Variants in ZNF804A observed in about 807,000 individuals in gnomAD.
The protein encoded by ZNF804A is zinc finger protein 804A.
Under a neutral mutation model 16.5 loss-of-function variants are expected in ZNF804A, and 2 were observed. The ratio of observed to expected loss-of-function variants is 0.12; its 90% CI spans 0.05 to 0.38. The LOEUF is 0.38. Ranked by LOEUF, ZNF804A falls within the 10% of genes least tolerant of loss-of-function variation. The pLI is 0.99. For missense variants in ZNF804A, 1,473 were observed against 1,390.7 expected (o/e 1.06, Z -0.94); for synonymous variants, 534 against 489.6 (o/e 1.09, Z -1.20).
At chr2:184,740,137 G>C (rs1299422054) in intron 1 of ZNF804A, among the ~76,000 whole-genome samples, 5 of 152,124 alleles carry the variant, frequency 3.3e-5, no homozygotes, top group Non-Finnish European at 7.4e-5. Flanking sequence ...GTCTCATACT[G>C]TGCCACATTA....
At chr2:184,862,749 C>G (rs1267063019) in intron 1 of ZNF804A, among the ~76,000 whole-genome samples, 6 of 151,708 alleles carry the variant, frequency 4.0e-5, no homozygotes, top group African/African-American at 1.5e-4. Flanking sequence ...TGGGGAAATA[C>G]AGAATAAAAG....
intron 1 of ZNF804A, among the ~76,000 whole-genome samples, chr2:184,847,549 C>T (rs534549736): frequency 6.6e-6 from 1 of 152,164 alleles, no homozygotes; most frequent in South Asian, 2.1e-4. Flanking sequence ...AAGATTTCAA[C>T]AAGATAAAGA....
At chr2:184,809,081 G>A (rs1220460310) in intron 1 of ZNF804A, among the ~76,000 whole-genome samples, 1 of 151,640 alleles carries the variant, frequency 6.6e-6, no homozygotes, top group Non-Finnish European at 1.5e-5. Flanking sequence ...GTTAATTATT[G>A]AAAGAATATC....
intron 1 of ZNF804A, among the ~76,000 whole-genome samples, chr2:184,629,652 T>C (rs1308947624): frequency 6.6e-6 from 1 of 152,224 alleles, no homozygotes; most frequent in Admixed American, 6.5e-5. Context: ...TCATTATTGC[T>C]ATATTCTAAA....
At chr2:184,764,229 T>C (rs1441821210) in intron 1 of ZNF804A, among the ~76,000 whole-genome samples, 1 of 152,066 alleles carries the variant, frequency 6.6e-6, no homozygotes, top group Admixed American at 6.6e-5. Flanking sequence ...GTCTACACAC[T>C]AAATGCATCC....
chr2:184,623,896 C>T (rs935974295), intron 1 of ZNF804A, among the ~76,000 whole-genome samples: 3 of 152,086 alleles, frequency 2.0e-5, no homozygotes, highest in African/African-American at 4.8e-5. Flanking sequence ...TCCACCAGGC[C>T]TCAAAACTTA....
intron 1 of ZNF804A, among the ~76,000 whole-genome samples, chr2:184,665,146 A>G (rs1692237161): frequency 6.6e-6 from 1 of 152,192 alleles, no homozygotes; most frequent in Non-Finnish European, 1.5e-5. Flanking sequence ...CATTTAAAAT[A>G]CTGCAGGCAA....
intron 1 of ZNF804A, among the ~76,000 whole-genome samples, chr2:184,633,365 TA>T (rs1691643287): frequency 2.6e-5 from 4 of 152,218 alleles, no homozygotes; most frequent in East Asian, 1.9e-4. Context: ...GGGATTTTTT[TA>T]AATAAAAAGT....
intron 1 of ZNF804A, among the ~76,000 whole-genome samples, chr2:184,805,273 A>G (rs1483050511): frequency 1.3e-5 from 2 of 152,186 alleles, no homozygotes; most frequent in Non-Finnish European, 2.9e-5. Context: ...AAATATCTGT[A>G]TCTCTGTGTT....
chr2:184,825,895 A>G (rs916530867), intron 1 of ZNF804A, among the ~76,000 whole-genome samples: 21 of 151,840 alleles, frequency 1.4e-4, no homozygotes, highest in Non-Finnish European at 2.8e-4. Context: ...TTTCTGAGAC[A>G]GAGTCTCACT....
At position 184,727,976 on chromosome 2, in the gene ZNF804A, A is replaced by T. The variant is rs188271388; in HGVS notation, c.111+128906A>T. On this transcript the variant is annotated intron_variant, in intron 1 of 3. Coordinates refer to ENST00000302277, the MANE Select transcript of ZNF804A (RefSeq NM_194250.2). ...CGGTCTGTGAATTGAGAATATATTA[A>T]AAATAGCATTGGGTGGTTATTAACT... is the stretch of plus-strand genomic sequence containing the variant. Among the ~76,000 whole-genome samples, 115 of 151,886 alleles carry T rather than the reference A, an allele frequency of 7.6e-4. 2 individuals are homozygous for T. The East Asian group carries it at 0.015, about 20-fold the overall frequency.
chr2:184,865,728 C>G lies in ZNF804A; in HGVS notation c.112-641C>G, dbSNP rs1574247713. ...TTACTGTGAGTATGATGAAAACAAT[C>G]TGCTTGTGCAGTTTAATCCTTTTCA... On this transcript the variant is annotated intron_variant, in intron 1 of 3. Transcript: ENST00000302277. Among the ~76,000 whole-genome samples, 4 of 152,170 alleles carry G rather than the reference C, an allele frequency of 2.6e-5. No homozygotes were observed. The South Asian group carries it at 8.3e-4, about 32-fold the overall frequency.
chr2:184,657,382 T>A (rs1187182153), intron 1 of ZNF804A, among the ~76,000 whole-genome samples: 6 of 152,212 alleles, frequency 3.9e-5, no homozygotes, highest in Admixed American at 3.9e-4. Flanking sequence ...CCACAGCACC[T>A]GATGTTGCCT....
intron 1 of ZNF804A, among the ~76,000 whole-genome samples, chr2:184,732,691 G>A (rs1693539355): frequency 1.3e-5 from 2 of 152,062 alleles, no homozygotes; most frequent in Non-Finnish European, 1.5e-5. Flanking sequence ...ATTTAGTTAT[G>A]TAATTTCTTT....
At chr2:184,905,959 A>G (rs988041666) in intron 2 of ZNF804A, among the ~76,000 whole-genome samples, 1 of 152,150 alleles carries the variant, frequency 6.6e-6, no homozygotes, top group Non-Finnish European at 1.5e-5. Flanking sequence ...TTTCTTGTCT[A>G]TCCAATTTCA....
At chr2:184,619,191 A>C (rs1448927771) in intron 1 of ZNF804A, among the ~76,000 whole-genome samples, 2 of 152,076 alleles carry the variant, frequency 1.3e-5, no homozygotes, top group Admixed American at 1.3e-4. Context: ...TTGTTCCAAC[A>C]CCAAATTTAC....
At chr2:184,879,933 G>A (rs1159971115) in intron 2 of ZNF804A, among the ~76,000 whole-genome samples, 3 of 152,030 alleles carry the variant, frequency 2.0e-5, no homozygotes. Flanking sequence ...ATTACTGCTT[G>A]TAACTGGCTT....
chr2:184,870,005 A>G (rs1695949302), intron 2 of ZNF804A, among the ~76,000 whole-genome samples: 1 of 151,524 alleles, frequency 6.6e-6, no homozygotes, highest in African/African-American at 2.4e-5. Flanking sequence ...CTTTGTTTGA[A>G]TTTTTTTTTA....
intron 1 of ZNF804A, among the ~76,000 whole-genome samples, chr2:184,865,601 C>A (rs1695867686): frequency 6.6e-6 from 1 of 151,978 alleles, no homozygotes; most frequent in South Asian, 2.1e-4. Flanking sequence ...ACTTAAAATC[C>A]ACAGTCAAAC....
Sources: gnomAD v4.1 joint callset for allele counts (sites outside exome capture counted in the v4.1 genomes callset) on GRCh38, gnomAD v4.1.1 for gene constraint, MANE v1.5 for transcripts, NCBI Gene and HGNC (gene_info 2026-07-23, HGNC 2026-07-21) for gene names.